Variants in FRMD6 observed in about 807,000 individuals in gnomAD.
FRMD6 encodes the protein FERM domain-containing protein 6.
In FRMD6, 37 loss-of-function variants were observed where a neutral mutation model predicts 73.2. The ratio of observed to expected loss-of-function variants is 0.51; its 90% CI spans 0.39 to 0.66. The LOEUF (loss-of-function observed/expected upper bound fraction) is 0.66. Among genes scored for constraint, FRMD6 ranks in the 30% least tolerant of loss-of-function variants. The probability of loss-of-function intolerance (pLI) is 0.00; values close to 1 mark genes in which losing one functional copy is unlikely to be tolerated. For synonymous variants in FRMD6, 273 were observed against 282.2 expected (o/e 0.97, Z 0.33); for missense variants, 714 against 780.5 (o/e 0.91, Z 1.02).
Position 51,619,025 on chromosome 14 carries a change from C to G in FRMD6, c.-147+48615C>G, listed in dbSNP as rs574438126. 2.0e-4 allele frequency among the ~76,000 whole-genome samples: 30 copies of G among 151,680 alleles called. 1 individual carries two copies. Among genetic ancestry groups the G allele is most frequent in the African/African-American group, 5.8e-4 (24 of 41,442 alleles). On this transcript the variant is annotated intron_variant, in intron 2 of 14. Coordinates refer to the FRMD6 transcript ENST00000356218. Reference sequence around the variant, plus strand: ...TTTGTTGTAAGACAAAAAATATAATCAATCATTGGGTGATTTAGAATTCCC... The same window carrying G: ...TTTGTTGTAAGACAAAAAATATAATGAATCATTGGGTGATTTAGAATTCCC...
chr14:51,633,725 ACT>A (rs1891432138), intron 2 of FRMD6, among the ~76,000 whole-genome samples: 1 of 152,134 alleles, frequency 6.6e-6, no homozygotes, highest in East Asian at 1.9e-4. Context: ...ACAAATAATA[ACT>A]CTAATCAATT....
In FRMD6 at chr14:51,594,304, A is replaced by G. The variant is rs985120530; in HGVS notation, c.-147+23894A>G. On this transcript the variant is annotated intron_variant, in intron 2 of 14. Transcript: ENST00000356218. The stretch of plus-strand genomic sequence containing the variant: ...CACGCCCAGCTAATTTTTGTATTTT[A>G]TTTTTATTTATTTATTTATTTATTT... Among the ~76,000 whole-genome samples, 9 of 81,012 alleles carry G rather than the reference A, an allele frequency of 1.1e-4. No homozygotes were observed. The East Asian group carries it at 1.8e-3, about 16-fold the overall frequency. 53.1% of individuals were successfully genotyped at this position (81,012 alleles called of 152,430 possible). A position where few individuals can be genotyped will look rare whatever the true frequency, so the allele number is the denominator to read the frequency against.
At position 51,504,302 on chromosome 14, in the gene FRMD6, C is replaced by A. The variant is rs1883814323; in HGVS notation, c.-210+14882C>A. ...CAAAGATGGCAGCCAGTTCCTTCCT[C>A]TGGAAGCTCTGTACTGGGGCGTACT... On this transcript the variant is annotated intron_variant, in intron 1 of 14. Coordinates refer to the FRMD6 transcript ENST00000356218. 3.9e-5 allele frequency among the ~76,000 whole-genome samples: 6 copies of A among 152,348 alleles called. No individual in the cohort carries two copies. In the South Asian group the frequency reaches 1.2e-3, roughly 32 times the overall value.
the FRMD6 span, among the ~76,000 whole-genome samples, chr14:51,448,442 A>G: frequency 2.0e-5 from 3 of 152,218 alleles, no homozygotes; most frequent in Non-Finnish European, 1.5e-5. Context: ...CATCTATTTC[A>G]TCTTGGTTTC....
chr14:51,668,459 C>T, intron 1 of FRMD6, among the ~76,000 whole-genome samples: 1 of 152,072 alleles, frequency 6.6e-6, no homozygotes, highest in East Asian at 1.9e-4. Context: ...GCATGCACTA[C>T]CATGCTCGGC....
At chr14:51,431,332 G>A in the FRMD6 span, among the ~76,000 whole-genome samples, 2 of 152,212 alleles carry the variant, frequency 1.3e-5, no homozygotes, top group African/African-American at 4.8e-5. Flanking sequence ...GTATGCCAGT[G>A]GCTCTAACAG....
At chr14:51,559,501 G>A (rs1887358993) in intron 1 of FRMD6, among the ~76,000 whole-genome samples, 1 of 149,248 alleles carries the variant, frequency 6.7e-6, no homozygotes, top group African/African-American at 2.5e-5. Flanking sequence ...TTTTAAGCAA[G>A]CCTTCCTTGT....
At chr14:51,593,746 G>A (rs1022809605) in intron 2 of FRMD6, among the ~76,000 whole-genome samples, 3 of 152,002 alleles carry the variant, frequency 2.0e-5, no homozygotes, top group Admixed American at 1.3e-4. Context: ...CCTGACTCCC[G>A]TTTCTGGATA....
chr14:51,492,826 T>A (rs1230526993), intron 1 of FRMD6, among the ~76,000 whole-genome samples: 1 of 152,192 alleles, frequency 6.6e-6, no homozygotes, highest in Non-Finnish European at 1.5e-5. Flanking sequence ...CATTAAGGTT[T>A]AGTAAAAGTT....
At chr14:51,534,683 A>G (rs1039065952) in intron 1 of FRMD6, among the ~76,000 whole-genome samples, 3 of 152,224 alleles carry the variant, frequency 2.0e-5, no homozygotes, top group African/African-American at 7.2e-5. Context: ...CAGAACAGGT[A>G]AATAATTGCT....
At chr14:51,407,413 G>T in the FRMD6 span, among the ~76,000 whole-genome samples, 1 of 150,466 alleles carries the variant, frequency 6.6e-6, no homozygotes. Context: ...TTGAATGTTT[G>T]GTAATTTTTG....
At chr14:51,626,572 G>C (rs1429253770) in intron 2 of FRMD6, among the ~76,000 whole-genome samples, 2 of 152,152 alleles carry the variant, frequency 1.3e-5, no homozygotes, top group Non-Finnish European at 2.9e-5. Flanking sequence ...CAAATACAGT[G>C]CCTTCTATAT....
the FRMD6 span, among the ~76,000 whole-genome samples, chr14:51,423,582 T>A: frequency 6.6e-6 from 1 of 152,164 alleles, no homozygotes; most frequent in South Asian, 2.1e-4. Context: ...TAATGGACAC[T>A]GGCCCAGGTG....
chr14:51,689,997 C>T, intron 2 of FRMD6, 62 bp downstream of exon 2: 1 of 1,050,240 alleles, frequency 9.5e-7, no homozygotes. Context: ...CCACATTCAA[C>T]TTATGACTTG....
the FRMD6 span, among the ~76,000 whole-genome samples, chr14:51,444,736 C>T: frequency 6.6e-6 from 1 of 152,204 alleles, no homozygotes; most frequent in South Asian, 2.1e-4. Context: ...CTTCAGATGT[C>T]TAAATTGTTT....
At chr14:51,523,817 T>C (rs1885078823) in intron 1 of FRMD6, among the ~76,000 whole-genome samples, 1 of 152,242 alleles carries the variant, frequency 6.6e-6, no homozygotes. Context: ...AGCAGATTTA[T>C]TAAAGCATTC....
intron 1 of FRMD6, among the ~76,000 whole-genome samples, chr14:51,509,787 C>T (rs747953392): frequency 5.9e-5 from 9 of 151,926 alleles, no homozygotes; most frequent in South Asian, 2.1e-4. Context: ...CCACCACGCC[C>T]GGCTAATTTT....
chr14:51,691,450 T>C (rs1365307810), intron 2 of FRMD6, among the ~76,000 whole-genome samples: 1 of 152,142 alleles, frequency 6.6e-6, no homozygotes, highest in African/African-American at 2.4e-5. Flanking sequence ...TTTCAACCCC[T>C]CTCTGTGTTA....
Position 51,689,922 on chromosome 14 carries a change from A to G in FRMD6, c.86A>G (p.Asn29Ser). 1.2e-6 allele frequency: 2 copies of G among 1,603,368 alleles called. No homozygotes were observed. Among genetic ancestry groups the G allele is most frequent in the Non-Finnish European group, 1.7e-6 (2 of 1,170,120 alleles). ...TTCCTTCCCAACGATGAATCTCTGA[A>G]CATCATCATAAATGTGAGTAGATCC... Reference protein sequence around the residue: ...CIFLPNDESLNIIINVKILCH... With the variant: ...CIFLPNDESLSIIINVKILCH... The change falls in exon 2 of 14, where the codon AAC (asparagine) becomes AGC (serine). Residue 29 changes from asparagine (N) to serine (S), a missense_variant. Transcript: ENST00000344768.
Sources: gnomAD v4.1 joint callset for allele counts (sites outside exome capture counted in the v4.1 genomes callset) on GRCh38, gnomAD v4.1.1 for gene constraint, MANE v1.5 for transcripts, NCBI Gene and HGNC (gene_info 2026-07-23, HGNC 2026-07-21) for gene names.